Variants in SUGCT observed in about 807,000 individuals in gnomAD.
SUGCT encodes succinyl-CoA:glutarate-CoA transferase.
SUGCT carries 41 observed loss-of-function variants against 55.0 expected under a neutral mutation model. That is an observed-to-expected ratio of 0.74 (90% CI 0.58 to 0.97). The LOEUF (loss-of-function observed/expected upper bound fraction) is 0.97. SUGCT is among the 50% of genes least tolerant of loss of function. The pLI is 0.00. For missense variants in SUGCT, 568 were observed against 547.8 expected, an observed-to-expected ratio of 1.04 and a Z score of -0.37; for synonymous variants, 187 against 200.4, an observed-to-expected ratio of 0.93 and a Z score of 0.56.
chr7:40,525,699 T>C (rs1157089422), intron 12 of SUGCT, among the ~76,000 whole-genome samples: 1 of 152,070 alleles, frequency 6.6e-6, no homozygotes, highest in African/African-American at 2.4e-5. Context: ...GAAAAAGAAG[T>C]GATAGAGTTA....
chr7:40,148,534 C>G (rs138102552), intron 1 of SUGCT, among the ~76,000 whole-genome samples: 2,670 of 152,240 alleles, frequency 0.018, 75 homozygotes, highest in African/African-American at 0.062. Flanking sequence ...ATCCCAGCTA[C>G]TCAGGCAGCT....
At chr7:40,904,981 G>T in the SUGCT span, among the ~76,000 whole-genome samples, 5 of 152,114 alleles carry the variant, frequency 3.3e-5, no homozygotes, top group African/African-American at 1.2e-4. Context: ...GGCATTTTTA[G>T]TGTGGTAAAT....
chr7:41,033,737 C>A, the SUGCT span, among the ~76,000 whole-genome samples: 1 of 152,082 alleles, frequency 6.6e-6, no homozygotes, highest in African/African-American at 2.4e-5. Context: ...AATTAACAAG[C>A]ACCCAAATGT....
intron 12 of SUGCT, among the ~76,000 whole-genome samples, chr7:40,611,182 C>T (rs1279586339): frequency 6.6e-6 from 1 of 152,092 alleles, no homozygotes; most frequent in Admixed American, 6.6e-5. Flanking sequence ...TAACCATATG[C>T]TTTGAGGTAT....
At chr7:40,562,298 CAA>C (rs113046606) in intron 12 of SUGCT, among the ~76,000 whole-genome samples, 14 of 91,972 alleles carry the variant, frequency 1.5e-4, no homozygotes, top group Admixed American at 2.4e-4. Context: ...GATTCCGTCT[CAA>C]AAAAAAAAAA....
chr7:40,643,515 G>A (rs1015809165), intron 12 of SUGCT, among the ~76,000 whole-genome samples: 3 of 152,140 alleles, frequency 2.0e-5, no homozygotes, highest in East Asian at 1.9e-4. Context: ...CACCTCTTAC[G>A]TTTTTGTCCC....
intron 9 of SUGCT, among the ~76,000 whole-genome samples, chr7:40,441,111 A>G (rs1788491498): frequency 6.6e-6 from 1 of 152,188 alleles, no homozygotes; most frequent in Admixed American, 6.6e-5. Flanking sequence ...TTGTACCCAG[A>G]GCCTAGCACA....
chr7:40,885,535 C>T, the SUGCT span, among the ~76,000 whole-genome samples: 1 of 152,076 alleles, frequency 6.6e-6, no homozygotes, highest in Admixed American at 6.5e-5. Context: ...CCAGACAGCC[C>T]AGGTGGTTTT....
At chr7:40,750,852 A>G (rs1375922736) in intron 13 of SUGCT, among the ~76,000 whole-genome samples, 1 of 152,144 alleles carries the variant, frequency 6.6e-6, no homozygotes, top group African/African-American at 2.4e-5. Context: ...AAAAGCTAAG[A>G]AGTTCATCAG....
intron 13 of SUGCT, among the ~76,000 whole-genome samples, chr7:40,762,574 T>A (rs1183226753): frequency 6.6e-6 from 1 of 152,236 alleles, no homozygotes; most frequent in East Asian, 1.9e-4. Flanking sequence ...AAATCAGTTG[T>A]GTTATTTGGA....
chr7:40,890,675 T>C, the SUGCT span, among the ~76,000 whole-genome samples: 1 of 152,188 alleles, frequency 6.6e-6, no homozygotes, highest in Non-Finnish European at 1.5e-5. Context: ...ATGGGCTGAC[T>C]GGTAAAAGGC....
At chr7:40,879,893 A>G in the SUGCT span, among the ~76,000 whole-genome samples, 1 of 152,176 alleles carries the variant, frequency 6.6e-6, no homozygotes, top group Non-Finnish European at 1.5e-5. Context: ...CATAGCTGAC[A>G]TGGCTTAGCT....
chr7:41,029,723 T>G, the SUGCT span, among the ~76,000 whole-genome samples: 1 of 152,250 alleles, frequency 6.6e-6, no homozygotes, highest in South Asian at 2.1e-4. Context: ...TTGGTACATT[T>G]GTTATAATTG....
chr7:41,011,005 G>T, the SUGCT span, among the ~76,000 whole-genome samples: 1 of 152,194 alleles, frequency 6.6e-6, no homozygotes, highest in Non-Finnish European at 1.5e-5. Flanking sequence ...ATGGTGGTTT[G>T]GGTGAGGAAA....
At chr7:40,338,335 C>A (rs917009702) in intron 9 of SUGCT, among the ~76,000 whole-genome samples, 7 of 152,268 alleles carry the variant, frequency 4.6e-5, no homozygotes, top group African/African-American at 1.7e-4. Context: ...TAATATCCTG[C>A]AGAGTGTTTT....
the SUGCT span, among the ~76,000 whole-genome samples, chr7:40,992,497 T>C: frequency 6.6e-6 from 1 of 152,148 alleles, no homozygotes; most frequent in African/African-American, 2.4e-5. Context: ...CAGCCCATTG[T>C]AGGTCTCGGC....
chr7:40,469,771 G>A (rs1312166898), intron 11 of SUGCT, among the ~76,000 whole-genome samples: 1 of 152,038 alleles, frequency 6.6e-6, no homozygotes, highest in African/African-American at 2.4e-5. Context: ...CCTTTTAGGA[G>A]GAAGAATTAG....
At chr7:40,543,961 G>A (rs1794844377) in intron 12 of SUGCT, among the ~76,000 whole-genome samples, 1 of 152,098 alleles carries the variant, frequency 6.6e-6, no homozygotes, top group Admixed American at 6.6e-5. Context: ...TTCAGGTATG[G>A]CTTCACAAAA....
At chr7:41,038,506 T>C in the SUGCT span, among the ~76,000 whole-genome samples, 5 of 152,206 alleles carry the variant, frequency 3.3e-5, no homozygotes, top group Admixed American at 2.0e-4. Context: ...TTTCACTTAC[T>C]CTTAATATAC....
Sources: allele counts gnomAD v4.1 joint callset (sites outside exome capture counted in the v4.1 genomes callset), GRCh38; gene constraint gnomAD v4.1.1; transcripts MANE v1.5; gene names NCBI Gene and HGNC (gene_info 2026-07-23, HGNC 2026-07-21).